The following FOXP2 variants were observed in gnomAD, a reference collection of about 807,000 sequenced individuals.
FOXP2 encodes the protein forkhead box P2.
FOXP2 carries 12 observed loss-of-function variants against 115.8 expected under a neutral mutation model. That is an observed-to-expected ratio of 0.10 (90% CI 0.07 to 0.17). The LOEUF (loss-of-function observed/expected upper bound fraction) is 0.17. Among genes scored for constraint, FOXP2 ranks in the 10% least tolerant of loss-of-function variants. FOXP2 has a pLI of 1.00. For missense variants in FOXP2, 629 were observed against 843.5 expected (o/e 0.75, Z 3.15); for synonymous variants, 328 against 297.7 (o/e 1.10, Z -1.05).
intron 1 of FOXP2, among the ~76,000 whole-genome samples, chr7:114,185,111 T>C (rs1339212493): frequency 1.3e-5 from 2 of 152,224 alleles, no homozygotes; most frequent in African/African-American, 4.8e-5. Context: ...CTACAACGTA[T>C]AGTGCTCTTA....
intron 3 of FOXP2, among the ~76,000 whole-genome samples, chr7:114,567,223 T>C (rs558712862): frequency 1.1e-3 from 164 of 152,246 alleles, no homozygotes; most frequent in Non-Finnish European, 1.8e-3. Context: ...TAATGACAGC[T>C]AACAAATAAG....
intron 1 of FOXP2, among the ~76,000 whole-genome samples, chr7:114,190,584 C>T (rs117118981): frequency 2.2e-4 from 33 of 152,228 alleles, no homozygotes; most frequent in Non-Finnish European, 4.7e-4. Flanking sequence ...TTTATAATCA[C>T]GTGATCCAAT....
intron 2 of FOXP2, among the ~76,000 whole-genome samples, chr7:114,533,074 T>C (rs1799216167): frequency 6.6e-6 from 1 of 151,984 alleles, no homozygotes; most frequent in African/African-American, 2.4e-5. Context: ...TCCTTAGAAA[T>C]ATTTACGTTA....
chr7:114,105,033 G>T (rs1432970762), intron 1 of FOXP2, among the ~76,000 whole-genome samples: 1 of 151,888 alleles, frequency 6.6e-6, no homozygotes, highest in Admixed American at 6.6e-5. Flanking sequence ...TAATCTAAAA[G>T]AAATCAGTAA....
At chr7:114,279,639 CT>C (rs1365741804) in intron 1 of FOXP2, among the ~76,000 whole-genome samples, 13 of 151,812 alleles carry the variant, frequency 8.6e-5, no homozygotes, top group African/African-American at 3.1e-4. Context: ...CACTTGATCA[CT>C]TTGTTATTTT....
intron 1 of FOXP2, among the ~76,000 whole-genome samples, chr7:114,253,340 A>G (rs1451471858): frequency 1.3e-5 from 2 of 151,918 alleles, no homozygotes; most frequent in African/African-American, 2.4e-5. Context: ...CAATTCCTGG[A>G]TATCCTTGTT....
At chr7:114,561,915 A>G (rs951703663) in intron 3 of FOXP2, among the ~76,000 whole-genome samples, 1 of 152,090 alleles carries the variant, frequency 6.6e-6, no homozygotes, top group Admixed American at 6.5e-5. Context: ...TCAGCTTCCC[A>G]GAGTGCTGGG....
chr7:114,603,978 A>G (rs28587831), intron 3 of FOXP2, among the ~76,000 whole-genome samples: 21,431 of 152,244 alleles, frequency 0.14, 1,907 homozygotes, highest in African/African-American at 0.25. Context: ...ATTCAAGGAT[A>G]CTTTCAATAT....
chr7:114,506,226 C>A (rs1244945731), intron 2 of FOXP2, among the ~76,000 whole-genome samples: 1 of 151,708 alleles, frequency 6.6e-6, no homozygotes, highest in Non-Finnish European at 1.5e-5. Flanking sequence ...TAATCAAGAT[C>A]AGTTACTTAT....
At chr7:114,666,598 G>A (rs1216490518) in intron 16 of FOXP2, 1 of 152,084 alleles carries the variant, frequency 6.6e-6, no homozygotes, top group East Asian at 1.9e-4. Context: ...ATTTTTATAA[G>A]ACATTTACAC....
chr7:114,204,555 C>G (rs1041549086), intron 1 of FOXP2, among the ~76,000 whole-genome samples: 5 of 152,070 alleles, frequency 3.3e-5, no homozygotes, highest in Non-Finnish European at 7.4e-5. Flanking sequence ...TCCCCTTCCC[C>G]GTTTTTCACA....
In FOXP2 at chr7:114,441,728, G is replaced by A. The variant is rs976858871; in HGVS notation, c.168+15049G>A. Among the ~76,000 whole-genome samples, 11 of 152,242 alleles carry A rather than the reference G, an allele frequency of 7.2e-5. 1 individual carries two copies. The highest frequency in any genetic ancestry group is 3.9e-4 in the Admixed American group (6 of 15,286). On this transcript the variant is annotated intron_variant, in intron 2 of 16. Transcript: ENST00000350908. ...GGATATTTTACCAAAGAAGATATAT[G>A]AATGGGCAAGAGGCATGTAAATGAA...
chr7:114,278,543 G>A (rs1255727472), intron 1 of FOXP2, among the ~76,000 whole-genome samples: 2 of 152,012 alleles, frequency 1.3e-5, no homozygotes, highest in African/African-American at 4.8e-5. Flanking sequence ...TAGTAGAGGT[G>A]GGGTTTCACC....
intron 1 of FOXP2, among the ~76,000 whole-genome samples, chr7:114,184,928 C>A (rs1259145403): frequency 6.6e-6 from 1 of 152,096 alleles, no homozygotes; most frequent in Non-Finnish European, 1.5e-5. Flanking sequence ...GGTTAAAATT[C>A]TAGATTTTGG....
intron 3 of FOXP2, among the ~76,000 whole-genome samples, chr7:114,622,298 A>C (rs1402652623): frequency 1.3e-5 from 2 of 151,980 alleles, no homozygotes; most frequent in Admixed American, 6.6e-5. Context: ...ACACTTGTCA[A>C]TCAGTGAGTT....
intron 3 of FOXP2, among the ~76,000 whole-genome samples, chr7:114,572,782 C>A (rs1189425053): frequency 1.3e-5 from 2 of 151,794 alleles, no homozygotes; most frequent in Non-Finnish European, 2.9e-5. Context: ...GAAAAGAAAT[C>A]TATAGCATCA....
At position 114,103,663 on chromosome 7, in the gene FOXP2, TTAAC is replaced by T. The variant is rs1791043189; in HGVS notation, c.-247+15828_-247+15831del. Among the ~76,000 whole-genome samples the T allele has an allele frequency of 5.3e-5, 8 of 152,182 alleles. 1 individual carries two copies. In the South Asian group the frequency reaches 1.7e-3, roughly 32 times the overall value. ...AATACTCAGCTAGCTAATGGATTGT[TTAAC>T]TACTTCTTTCTTCAGAATATGTATC... On this transcript the variant is annotated intron_variant, in intron 1 of 19. Transcript: ENST00000635638.
At chr7:114,641,801 A>AT (rs1329382323) in intron 6 of FOXP2, among the ~76,000 whole-genome samples, 1 of 151,356 alleles carries the variant, frequency 6.6e-6, no homozygotes, top group African/African-American at 2.4e-5. Context: ...ATTTATTTTT[A>AT]TTTTTTATTT....
intron 1 of FOXP2, among the ~76,000 whole-genome samples, chr7:114,210,207 G>A (rs1794308905): frequency 6.6e-6 from 1 of 152,190 alleles, no homozygotes; most frequent in African/African-American, 2.4e-5. Flanking sequence ...GAGGAGAACA[G>A]GCACTCTGGC....
Sources: allele counts gnomAD v4.1 joint callset (sites outside exome capture counted in the v4.1 genomes callset), GRCh38; gene constraint gnomAD v4.1.1; transcripts MANE v1.5; gene names NCBI Gene and HGNC (gene_info 2026-07-23, HGNC 2026-07-21).